The following STX8 variants were observed in gnomAD, a reference collection of about 807,000 sequenced individuals.
The protein encoded by STX8 is syntaxin 8, also known as syntaxin-8.
STX8 carries 23 observed loss-of-function variants against 37.5 expected under a neutral mutation model. The ratio of observed to expected loss-of-function variants is 0.61; its 90% CI spans 0.44 to 0.87. STX8 has a LOEUF of 0.87. STX8 is among the 40% of genes least tolerant of loss of function. STX8 has a pLI of 0.00. For missense variants in STX8, 313 were observed against 284.7 expected, an observed-to-expected ratio of 1.10 and a Z score of -0.71; for synonymous variants, 115 against 99.1, an observed-to-expected ratio of 1.16 and a Z score of -0.95.
At chr17:9,503,061 G>A (rs764806635) in intron 5 of STX8, among the ~76,000 whole-genome samples, 22 of 123,418 alleles carry the variant, frequency 1.8e-4, no homozygotes, top group Admixed American at 2.1e-4. Flanking sequence ...AGCTGAGATC[G>A]TACCACTGCA....
At chr17:9,315,689 G>C (rs1909360483) in intron 7 of STX8, among the ~76,000 whole-genome samples, 1 of 152,088 alleles carries the variant, frequency 6.6e-6, no homozygotes, top group Admixed American at 6.6e-5. Context: ...CGGAGGCTAT[G>C]CTTCCCAGCC....
chr17:9,294,160 T>C (rs936585634), intron 7 of STX8, among the ~76,000 whole-genome samples: 3 of 152,210 alleles, frequency 2.0e-5, no homozygotes, highest in Non-Finnish European at 2.9e-5. Context: ...CTGATGTCTA[T>C]TGCAGTGCTG....
At chr17:9,395,876 A>G (rs921164550) in intron 6 of STX8, among the ~76,000 whole-genome samples, 3 of 152,196 alleles carry the variant, frequency 2.0e-5, no homozygotes, top group Admixed American at 6.5e-5. Context: ...ATATTCTTTT[A>G]ATTTTAAAAT....
chr17:9,425,046 T>C (rs1006967128), intron 6 of STX8, among the ~76,000 whole-genome samples: 2 of 152,212 alleles, frequency 1.3e-5, no homozygotes, highest in African/African-American at 4.8e-5. Flanking sequence ...CTGTGGCTGA[T>C]ACTGATGAAT....
intron 4 of STX8, among the ~76,000 whole-genome samples, chr17:9,509,795 GAATTA>G (rs1248998610): frequency 6.7e-6 from 1 of 149,788 alleles, no homozygotes; most frequent in Non-Finnish European, 1.5e-5. Context: ...GAATGTAAGT[GAATTA>G]AATATCTCAT....
At chr17:9,440,019 C>T (rs1012509714) in intron 6 of STX8, among the ~76,000 whole-genome samples, 1 of 152,042 alleles carries the variant, frequency 6.6e-6, no homozygotes, top group Non-Finnish European at 1.5e-5. Context: ...AAACCTTGGT[C>T]AGGATGGACA....
At chr17:9,539,739 C>T (rs1046018744) in intron 4 of STX8, among the ~76,000 whole-genome samples, 10 of 149,446 alleles carry the variant, frequency 6.7e-5, no homozygotes, top group Admixed American at 1.3e-4. Context: ...GAGAAGCAAA[C>T]GAAAATGTTG....
At chr17:9,545,711 G>C (rs1332778941) in intron 3 of STX8, among the ~76,000 whole-genome samples, 1 of 152,186 alleles carries the variant, frequency 6.6e-6, no homozygotes, top group Non-Finnish European at 1.5e-5. Context: ...CTCCCGAGTA[G>C]CTGGGCTTAC....
intron 1 of STX8, among the ~76,000 whole-genome samples, chr17:9,573,290 A>G (rs753027131): frequency 8.5e-5 from 13 of 152,204 alleles, no homozygotes; most frequent in Non-Finnish European, 1.8e-4. Flanking sequence ...AACACTTACA[A>G]TGTATTCTCT....
intron 7 of STX8, among the ~76,000 whole-genome samples, chr17:9,297,861 T>A (rs559657244): frequency 3.3e-5 from 5 of 152,242 alleles, no homozygotes; most frequent in African/African-American, 1.2e-4. Flanking sequence ...AATGAATGTT[T>A]GTTAGCTGGG....
intron 7 of STX8, among the ~76,000 whole-genome samples, chr17:9,262,410 G>A (rs1907070523): frequency 6.6e-6 from 1 of 152,162 alleles, no homozygotes; most frequent in Non-Finnish European, 1.5e-5. Flanking sequence ...CGAGGGGTGG[G>A]CCACAAACTT....
At chr17:9,380,941 C>G (rs1420848368) in intron 6 of STX8, among the ~76,000 whole-genome samples, 1 of 152,084 alleles carries the variant, frequency 6.6e-6, no homozygotes, top group Non-Finnish European at 1.5e-5. Flanking sequence ...TCTCGAACTC[C>G]TGACCTCAAA....
At chr17:9,414,247 A>C (rs1913099465) in intron 6 of STX8, among the ~76,000 whole-genome samples, 1 of 151,434 alleles carries the variant, frequency 6.6e-6, no homozygotes, top group Non-Finnish European at 1.5e-5. Context: ...TTCCCTAAGA[A>C]AGGCACAGAG....
At position 9,268,911 on chromosome 17, in the gene STX8, GGT is replaced by G. The variant is rs1907332982; in HGVS notation, c.644-18268_644-18267del. Among the ~76,000 whole-genome samples, 4 of 152,220 alleles carry G rather than the reference GGT, an allele frequency of 2.6e-5. 1 individual carries two copies. The South Asian group carries it at 6.2e-4, about 24-fold the overall frequency. On this transcript the variant is annotated intron_variant, in intron 7 of 7. Coordinates refer to ENST00000306357, the MANE Select transcript of STX8 (RefSeq NM_004853.3). Reference sequence around the variant, plus strand: ...AGTAGAAGTATTTGAGGCCAGGCCGGGTGCAGTGGCTCACGCCTGTAATCCCA... The same window carrying G: ...AGTAGAAGTATTTGAGGCCAGGCCGGGCAGTGGCTCACGCCTGTAATCCCA...
intron 7 of STX8, among the ~76,000 whole-genome samples, chr17:9,356,321 T>C (rs920136763): frequency 1.1e-4 from 17 of 152,140 alleles, no homozygotes; most frequent in African/African-American, 3.9e-4. Context: ...TGAGAATACA[T>C]AAAAACCTTT....
intron 6 of STX8, among the ~76,000 whole-genome samples, chr17:9,489,791 C>G (rs1206650769): frequency 6.8e-6 from 1 of 146,870 alleles, no homozygotes; most frequent in Non-Finnish European, 1.5e-5. Context: ...CAGGTTGAAG[C>G]GATTCTCCTG....
At chr17:9,264,345 C>G (rs1907153468) in intron 7 of STX8, among the ~76,000 whole-genome samples, 1 of 152,236 alleles carries the variant, frequency 6.6e-6, no homozygotes, top group African/African-American at 2.4e-5. Context: ...TACTCTGTCG[C>G]CCAGGCTGGA....
intron 5 of STX8, among the ~76,000 whole-genome samples, chr17:9,504,669 C>T (rs1402048026): frequency 2.0e-5 from 3 of 151,980 alleles, no homozygotes; most frequent in Non-Finnish European, 4.4e-5. Flanking sequence ...GAGGAACAAA[C>T]AAGGCTCCAG....
chr17:9,358,576 G>A (rs532360282), intron 7 of STX8, among the ~76,000 whole-genome samples: 37 of 152,160 alleles, frequency 2.4e-4, no homozygotes, highest in Non-Finnish European at 1.2e-4. Flanking sequence ...CCTGTGCTCC[G>A]TTATCTTCTA....
Sources: gnomAD v4.1 joint callset for allele counts (sites outside exome capture counted in the v4.1 genomes callset) on GRCh38, gnomAD v4.1.1 for gene constraint, MANE v1.5 for transcripts, NCBI Gene and HGNC (gene_info 2026-07-23, HGNC 2026-07-21) for gene names.